TRAF3IP1: variants seen among roughly 807,000 people sequenced by gnomAD.
TRAF3IP1 encodes TRAF3-interacting protein 1.
A neutral mutation model predicts 89.9 loss-of-function variants in TRAF3IP1; 53 were observed. The ratio of observed to expected loss-of-function variants is 0.59; its 90% confidence interval spans 0.47 to 0.74. TRAF3IP1 has a LOEUF of 0.74. TRAF3IP1 is among the 30% of genes least tolerant of loss of function. TRAF3IP1 has a pLI of 0.00. For synonymous variants in TRAF3IP1, 311 were observed against 322.1 expected, an observed-to-expected ratio of 0.97 and a Z score of 0.37; for missense variants, 806 against 866.1, an observed-to-expected ratio of 0.93 and a Z score of 0.87.
intron 15 of TRAF3IP1, among the ~76,000 whole-genome samples, chr2:238,364,176 A>G (rs954607542): frequency 6.6e-6 from 1 of 152,074 alleles, no homozygotes; most frequent in Non-Finnish European, 1.5e-5. Context: ...GATTTTTTCA[A>G]TGCTAAAGAA....
In TRAF3IP1 at chr2:238,333,941, T is replaced by C; in HGVS notation, c.988-19T>C. The C allele has an allele frequency of 1.3e-6, 2 of 1,588,668 alleles. No homozygotes were observed. Among genetic ancestry groups the C allele is most frequent in the Non-Finnish European group, 1.7e-6 (2 of 1,163,912 alleles). On this transcript the variant is annotated intron_variant, in intron 6 of 16. Coordinates refer to ENST00000373327, the MANE Select transcript of TRAF3IP1 (RefSeq NM_015650.4). ...GTGTAATACATCAATTAATTTCTTT[T>C]CATTCTTTTTTCTTTAAGACTGAGA...
At chr2:238,353,745 G>A (rs560700376) in intron 14 of TRAF3IP1, among the ~76,000 whole-genome samples, 1 of 152,160 alleles carries the variant, frequency 6.6e-6, no homozygotes, top group South Asian at 2.1e-4. Flanking sequence ...GGTTTTGGGG[G>A]TTTGGGGTTT....
intron 7 of TRAF3IP1, 58 bp from the exon 8 acceptor site, chr2:238,338,304 C>G: frequency 9.0e-7 from 1 of 1,113,904 alleles, no homozygotes; most frequent in Non-Finnish European, 1.3e-6. Flanking sequence ...CCAGCTAAAA[C>G]AACCAAACAC....
intron 8 of TRAF3IP1, 90 bp from the exon 9 acceptor site, chr2:238,344,407 A>G: frequency 1.0e-6 from 1 of 989,108 alleles, no homozygotes; most frequent in Admixed American, 2.1e-5. Flanking sequence ...AAACATAGAT[A>G]AGTAAGTGTG....
At position 238,329,159 on chromosome 2, in the gene TRAF3IP1, G is replaced by A; in HGVS notation, c.732G>A (p.Glu244=). 1 of 1,554,214 alleles carries A rather than the reference G, an allele frequency of 6.4e-7. No individual in the cohort carries two copies. Among genetic ancestry groups the A allele is most frequent in the South Asian group, 1.2e-5 (1 of 83,960 alleles). ...RGNRERDRDS[E]RKKETERKSE... is the part of the protein sequence containing the mutation. ...ACAGGGAGCGGGACAGAGACTCCGA[G>A]CGCAAGAAGGAGACAGAGAGAAAGA... Residue 244 remains glutamate, a synonymous_variant, in exon 5 of 17, where the codon GAG becomes GAA. Coordinates refer to ENST00000373327, the MANE Select transcript of TRAF3IP1 (RefSeq NM_015650.4).
intron 9 of TRAF3IP1, 85 bp downstream of exon 9, chr2:238,344,683 G>C (rs753850864): frequency 1.7e-6 from 2 of 1,205,192 alleles, no homozygotes; most frequent in Non-Finnish European, 2.5e-6. Context: ...GCAGCCCAGA[G>C]CCCGAGGTTT....
At chr2:238,325,406 C>G (rs773715381) in intron 2 of TRAF3IP1, 32 bp downstream of exon 2, 2 of 1,611,376 alleles carry the variant, frequency 1.2e-6, no homozygotes, top group South Asian at 2.2e-5. Context: ...CCTATTGACT[C>G]CTCGCCTTAA....
chr2:238,367,105 A>G (rs1347982477), intron 15 of TRAF3IP1, among the ~76,000 whole-genome samples: 8 of 133,546 alleles, frequency 6.0e-5, no homozygotes, highest in South Asian at 2.6e-4. Flanking sequence ...CAGAAGTTGC[A>G]GTGAGCCGAG....
At chr2:238,352,459 G>T (rs1355061031) in intron 12 of TRAF3IP1, among the ~76,000 whole-genome samples, 2 of 152,140 alleles carry the variant, frequency 1.3e-5, no homozygotes, top group Non-Finnish European at 2.9e-5. Flanking sequence ...GCAGGTGAAG[G>T]GCTGGTGTCA....
At chr2:238,354,620 GATTTT>G (rs893364614) in intron 14 of TRAF3IP1, among the ~76,000 whole-genome samples, 16 of 151,864 alleles carry the variant, frequency 1.1e-4, no homozygotes, top group African/African-American at 3.4e-4. Context: ...AACGCTGAAG[GATTTT>G]ATTTTATTTT....
At chr2:238,331,681 G>A (rs921658492) in intron 5 of TRAF3IP1, among the ~76,000 whole-genome samples, 1 of 152,162 alleles carries the variant, frequency 6.6e-6, no homozygotes, top group Non-Finnish European at 1.5e-5. Flanking sequence ...TTCTGTGGAC[G>A]ATCTGGGGGC....
At chr2:238,324,770 A>C (rs181358179) in intron 1 of TRAF3IP1, among the ~76,000 whole-genome samples, 8 of 151,392 alleles carry the variant, frequency 5.3e-5, no homozygotes, top group Admixed American at 2.0e-4. Flanking sequence ...CACCCAGCTA[A>C]TTTTTGTATT....
In TRAF3IP1 at chr2:238,325,735, T is replaced by A. The variant is rs1402576795; in HGVS notation, c.193-74T>A. On this transcript the variant is annotated intron_variant, in intron 2 of 16. Coordinates refer to ENST00000373327, the MANE Select transcript of TRAF3IP1 (RefSeq NM_015650.4). ...ATGTAAACAGAAACTATCCTATGCC[T>A]GGTAAACATACAGAAGATAATGCAC... The A allele has an allele frequency of 5.7e-6, 8 of 1,412,856 alleles. No homozygotes were observed. In the Admixed American group the frequency reaches 1.6e-4, roughly 28 times the overall value. The allele number at this position is 1,412,856 out of a possible 1,614,324, so 87.5% of individuals were successfully genotyped here.
At chr2:238,386,464 C>T (rs975709497) in intron 15 of TRAF3IP1, among the ~76,000 whole-genome samples, 2 of 152,072 alleles carry the variant, frequency 1.3e-5, no homozygotes, top group Non-Finnish European at 2.9e-5. Context: ...AGGTGTGCGC[C>T]ACCATGCCTG....
intron 15 of TRAF3IP1, among the ~76,000 whole-genome samples, chr2:238,389,158 C>T (rs1195041767): frequency 6.6e-6 from 1 of 152,176 alleles, no homozygotes; most frequent in Non-Finnish European, 1.5e-5. Flanking sequence ...GGTCAGAGGC[C>T]TCCATTCCCA....
chr2:238,393,895 T>C (rs535072624), intron 15 of TRAF3IP1, among the ~76,000 whole-genome samples: 3 of 152,338 alleles, frequency 2.0e-5, no homozygotes, highest in South Asian at 4.1e-4. Context: ...TCTTGATTAC[T>C]GTAATTGTAT....
At chr2:238,395,746 G>C (rs1286911880) in intron 15 of TRAF3IP1, among the ~76,000 whole-genome samples, 1 of 151,990 alleles carries the variant, frequency 6.6e-6, no homozygotes, top group Non-Finnish European at 1.5e-5. Context: ...CTCAAAAGAA[G>C]ACATTTACGC....
chr2:238,363,009 T>C (rs1039743510), intron 15 of TRAF3IP1, among the ~76,000 whole-genome samples: 1 of 152,272 alleles, frequency 6.6e-6, no homozygotes, highest in Non-Finnish European at 1.5e-5. Flanking sequence ...TAAAGATGTT[T>C]GAAGTAGCCT....
chr2:238,332,185 A>G (rs1031106086), intron 5 of TRAF3IP1, among the ~76,000 whole-genome samples: 12 of 152,226 alleles, frequency 7.9e-5, no homozygotes, highest in African/African-American at 2.7e-4. Context: ...AATATCGAAC[A>G]GGCATTCTTT....
Sources: gnomAD v4.1 joint callset for allele counts (sites outside exome capture counted in the v4.1 genomes callset) on GRCh38, gnomAD v4.1.1 for gene constraint, MANE v1.5 for transcripts, NCBI Gene and HGNC (gene_info 2026-07-23, HGNC 2026-07-21) for gene names.